Variants in NBPF3 observed in about 807,000 individuals in gnomAD.
The protein encoded by NBPF3 is NBPF family member NBPF3.
NBPF3 carries 57 observed loss-of-function variants against 78.1 expected under a neutral mutation model. That is an observed-to-expected ratio of 0.73 (90% CI 0.59 to 0.91). NBPF3 has a LOEUF of 0.91. NBPF3 is among the 40% of genes least tolerant of loss of function. The pLI, the probability that NBPF3 is intolerant of heterozygous loss-of-function variation, is 0.00. For synonymous variants in NBPF3, 182 were observed against 271.7 expected, an observed-to-expected ratio of 0.67 and a Z score of 3.25; for missense variants, 510 against 715.3, an observed-to-expected ratio of 0.71 and a Z score of 3.27.
rs1642733806 is a variant in NBPF3, at chr1:21,473,664, A to G, written c.940+79A>G. The stretch of plus-strand genomic sequence containing the variant: ...CTCTGAAGACAGGCTCTATACACAC[A>G]GATTGGTTTTAATAAAATCTATTAT... On this transcript the variant is annotated intron_variant, in intron 7 of 14. Coordinates refer to ENST00000318249, the MANE Select transcript of NBPF3 (RefSeq NM_032264.6). The G allele has an allele frequency of 2.4e-6, 3 of 1,240,010 alleles. No individual in the cohort carries two copies. In the East Asian group the frequency reaches 7.0e-5, roughly 29 times the overall value. 76.8% of individuals were successfully genotyped at this position (1,240,010 alleles called of 1,614,324 possible).
upstream of NBPF3, among the ~76,000 whole-genome samples, chr1:21,438,422 G>T (rs1640473281): frequency 6.6e-6 from 1 of 152,120 alleles, no homozygotes; most frequent in Non-Finnish European, 1.5e-5. Flanking sequence ...CCAGTTTTGT[G>T]ATCTTTAGAA....
In NBPF3 at chr1:21,468,545, A is replaced by T. The variant is rs1642402995; in HGVS notation, c.134-143A>T. On this transcript the variant is annotated intron_variant, in intron 2 of 14. Coordinates refer to ENST00000318249, the MANE Select transcript of NBPF3 (RefSeq NM_032264.6). ...TCGAACATTGTTTTTGTCGTTAAGG[A>T]TCCTAAAGTGCTGCGGGGACTGATC... 7 of 1,525,986 alleles carry T rather than the reference A, an allele frequency of 4.6e-6. No homozygotes were observed. In the Admixed American group the frequency reaches 1.1e-4, roughly 24 times the overall value. 94.5% of individuals were successfully genotyped at this position (1,525,986 alleles called of 1,614,324 possible).
chr1:21,476,243 CTTTTA>C lies in NBPF3; in HGVS notation c.992+1293_992+1297del. Among the ~76,000 whole-genome samples the C allele has an allele frequency of 6.6e-6, 1 of 152,112 alleles. No homozygotes were observed. The highest frequency in any genetic ancestry group is 2.1e-4 in the South Asian group (1 of 4,830). Reference sequence around the variant, plus strand: ...CCTTATCCAATTTGCCAGTCTGTGTCTTTTAATTGGGGCATTTAGCCTATTTACAT... The same window carrying C: ...CCTTATCCAATTTGCCAGTCTGTGTCATTGGGGCATTTAGCCTATTTACAT... On this transcript the variant is annotated intron_variant, in intron 8 of 14. Transcript: ENST00000318249. This position sits in a 1 kb window ranked among gnomAD's most constrained non-coding sequence, Gnocchi z 4.1.
intron 2 of NBPF3, among the ~76,000 whole-genome samples, chr1:21,448,602 A>G (rs1282049038): frequency 7.9e-5 from 12 of 152,202 alleles, no homozygotes; most frequent in Non-Finnish European, 1.5e-4. Context: ...CTTCATCATG[A>G]GAACCTGGTT....
intron 1 of NBPF3, among the ~76,000 whole-genome samples, chr1:21,442,904 T>C (rs1569904724): frequency 6.6e-6 from 1 of 152,172 alleles, no homozygotes; most frequent in Non-Finnish European, 1.5e-5. Context: ...TCAAGTAATC[T>C]GCCCGCTTCA....
intron 9 of NBPF3, 127 bp downstream of exon 9, chr1:21,478,434 A>G (rs992559641): frequency 1.0e-5 from 11 of 1,098,200 alleles, no homozygotes; most frequent in Middle Eastern, 5.8e-4. Context: ...CTATATATCA[A>G]TGTAGATTTC....
At chr1:21,472,980 C>A in intron 6 of NBPF3, 65 bp downstream of exon 6, 1 of 1,216,446 alleles carries the variant, frequency 8.2e-7, no homozygotes, top group Non-Finnish European at 1.2e-6. Flanking sequence ...AGGAGGCACA[C>A]CCTCTCTGGC....
rs564123160 is a variant in NBPF3, at chr1:21,482,180, T to C, written c.1607-304T>C. ...AATATTGCAGTTTTTCTCCTAGAAA[T>C]CGTTTGAGGGCATTTGCTTTAAATT... On this transcript the variant is annotated intron_variant, in intron 13 of 14. Coordinates refer to ENST00000318249, the MANE Select transcript of NBPF3 (RefSeq NM_032264.6). Among the ~76,000 whole-genome samples, 174 of 150,626 alleles carry C rather than the reference T, an allele frequency of 1.2e-3. 10 individuals carry two copies. The highest frequency in any genetic ancestry group is 4.3e-3 in the African/African-American group (172 of 40,466).
In NBPF3 at chr1:21,440,304, C is replaced by T; in HGVS notation, c.-184C>T. 1 of 147,722 alleles carries T rather than the reference C, an allele frequency of 6.8e-6. No individual in the cohort carries two copies. Among genetic ancestry groups the T allele is most frequent in the South Asian group, 2.1e-4 (1 of 4,816 alleles). The allele number at this position is 147,722 out of a possible 1,614,324, so 9.2% of individuals were successfully genotyped here. On this transcript the variant is annotated 5_prime_UTR_variant, in exon 1 of 15. Transcript: ENST00000318249. Reference sequence around the variant, plus strand: ...GCGCGGCGGCGCGGCTGCGGGCCGCCGTCTGGATGGGAAGTTACGGCGAAG... The same window carrying T: ...GCGCGGCGGCGCGGCTGCGGGCCGCTGTCTGGATGGGAAGTTACGGCGAAG...
intron 13 of NBPF3, 115 bp from the exon 14 acceptor site, chr1:21,482,369 T>C (rs1249748350): frequency 5.8e-5 from 8 of 138,468 alleles, no homozygotes; most frequent in Admixed American, 1.8e-4. Context: ...TCTCTCACAG[T>C]GTCCTATTCT....
intron 2 of NBPF3, among the ~76,000 whole-genome samples, chr1:21,456,386 G>A (rs1641603321): frequency 6.6e-6 from 1 of 152,030 alleles, no homozygotes; most frequent in South Asian, 2.1e-4. Context: ...TCTTTGACTC[G>A]TGTATACTGT....
At chr1:21,481,103 T>TGCAATAA in intron 12 of NBPF3, 122 bp downstream of exon 12, 1 of 858,556 alleles carries the variant, frequency 1.2e-6, no homozygotes, top group Non-Finnish European at 1.8e-6. Context: ...GAATTATTCC[T>TGCAATAA]ACTCACATTG....
At chr1:21,452,949 C>T (rs982547753) in intron 2 of NBPF3, among the ~76,000 whole-genome samples, 1 of 152,184 alleles carries the variant, frequency 6.6e-6, no homozygotes, top group Non-Finnish European at 1.5e-5. Flanking sequence ...TATCTTGACT[C>T]CTGGGTTAGT....
rs568647635 is a variant in NBPF3 at position 21,455,101 on chromosome 1, C to T, written c.133+9882C>T. On this transcript the variant is annotated intron_variant, in intron 2 of 14. Transcript: ENST00000318249. ...CTCCCATGTTCCCACTGCATGCTTC[C>T]TCCAGCCAGCAGAGGAGGATCGCCC... 2.0e-5 allele frequency among the ~76,000 whole-genome samples: 3 copies of T among 152,338 alleles called. No individual in the cohort carries two copies. In the South Asian group the frequency reaches 6.2e-4, roughly 32 times the overall value.
intron 2 of NBPF3, among the ~76,000 whole-genome samples, chr1:21,445,540 TTC>T (rs773358193): frequency 7.2e-6 from 1 of 138,212 alleles, no homozygotes; most frequent in Non-Finnish European, 1.6e-5. Flanking sequence ...CTGCCCCCAT[TTC>T]TCTCTGTTTC....
At chr1:21,457,352 A>ATATATATATATGTATG (rs151066328) in intron 2 of NBPF3, among the ~76,000 whole-genome samples, 85,670 of 143,826 alleles carry the variant, frequency 0.6, 27,593 homozygotes, top group South Asian at 0.78. Flanking sequence ...GTGTGTGTAT[A>ATATATATATATGTATG]TATATATATA....
rs151061564 is a variant in NBPF3, at chr1:21,471,455, C to T, written c.447-114C>T. The stretch of plus-strand genomic sequence containing the variant: ...GACATTTCTTTAAACATGTGCTGAC[C>T]TTCTGCTTGGAGGTCTCCTTGAGGA... On this transcript the variant is annotated intron_variant, in intron 4 of 14. Coordinates refer to ENST00000318249, the MANE Select transcript of NBPF3 (RefSeq NM_032264.6). 5.7e-4 allele frequency: 874 copies of T among 1,524,744 alleles called. 7 individuals carry two copies. The African/African-American group carries it at 0.011, about 19-fold the overall frequency. 94.5% of individuals were successfully genotyped at this position (1,524,744 alleles called of 1,614,324 possible).
In NBPF3 at chr1:21,483,178, A is replaced by C. The variant is rs1643318132; in HGVS notation, c.1694A>C (p.Glu565Ala). ...NEVLMEAEEP[E>A]VLQDSLDRCY... is the part of the protein sequence containing the mutation. The stretch of plus-strand genomic sequence containing the variant: ...GTGCTGATGGAAGCAGAAGAGCCTG[A>C]AGTCTTGCAGGACTCACTGGATAGA... The change falls in exon 15 of 15, where the codon GAA (glutamate) becomes GCA (alanine). Residue 565 changes from glutamate (E) to alanine (A), a missense_variant. This residue lies in a region of NBPF3 where 25 missense variants were observed against 27.3 expected (regional missense o/e 0.92). Transcript: ENST00000318249. 1.2e-6 allele frequency: 2 copies of C among 1,607,722 alleles called. No homozygotes were observed. Among genetic ancestry groups the C allele is most frequent in the Non-Finnish European group, 1.7e-6 (2 of 1,177,954 alleles).
intron 2 of NBPF3, among the ~76,000 whole-genome samples, chr1:21,461,810 A>G (rs1241104472): frequency 6.6e-6 from 1 of 152,242 alleles, no homozygotes; most frequent in Non-Finnish European, 1.5e-5. Context: ...AAATGAATCT[A>G]TGGTGGCTGC....
Sources: allele counts gnomAD v4.1 joint callset (sites outside exome capture counted in the v4.1 genomes callset), GRCh38; gene constraint gnomAD v4.1.1; regional missense constraint gnomAD v4.1.1; non-coding constraint Gnocchi (gnomAD v3.1); transcripts MANE v1.5; gene names NCBI Gene and HGNC (gene_info 2026-07-23, HGNC 2026-07-21).